Variants in CRYBG1 observed in about 807,000 individuals in gnomAD.
CRYBG1 encodes the protein crystallin beta-gamma domain containing 1.
CRYBG1 carries 139 observed loss-of-function variants against 189.2 expected under a neutral mutation model. The observed-to-expected ratio is 0.73, with a 90% CI of 0.64 to 0.85. CRYBG1 has a LOEUF of 0.85. CRYBG1 is among the 40% of genes least tolerant of loss of function. CRYBG1 has a pLI of 0.00. For synonymous variants in CRYBG1, 1,023 were observed against 1,017.1 expected (o/e 1.01, Z -0.11); for missense variants, 2,611 against 2,675.8 (o/e 0.98, Z 0.53).
chr6:106,563,744 T>C lies in CRYBG1; in HGVS notation c.6139-20T>C. On this transcript the variant is annotated intron_variant, in intron 20 of 21. Coordinates refer to ENST00000633556, the MANE Select transcript of CRYBG1 (RefSeq NM_001371242.2). ...CAGCTGGATACATATTTAAGATATC[T>C]GGTCTTTTCCACTGAGCAGATAGCA... The C allele has an allele frequency of 6.3e-7, 1 of 1,585,222 alleles. No individual in the cohort carries two copies. Among genetic ancestry groups the C allele is most frequent in the South Asian group, 1.1e-5 (1 of 90,212 alleles).
intron 2 of CRYBG1, among the ~76,000 whole-genome samples, chr6:106,501,366 G>T (rs1773007341): frequency 6.6e-6 from 1 of 152,082 alleles, no homozygotes. Context: ...CTTTATTCTA[G>T]CCATGACACA....
At position 106,539,489 on chromosome 6, in the gene CRYBG1, C is replaced by T. The variant is rs1387734124; in HGVS notation, c.4805C>T (p.Thr1602Ile). 3.1e-6 allele frequency: 5 copies of T among 1,613,628 alleles called. No individual in the cohort carries two copies. The highest frequency in any genetic ancestry group is 3.4e-6 in the Non-Finnish European group (4 of 1,179,816). ...GEYPDLSFWD[T>I]EEAYIGSMRP... The stretch of plus-strand genomic sequence containing the variant: ...TACCCTGACTTGTCCTTCTGGGATA[C>T]AGAAGAAGCGTACATTGGATCCATG... Residue 1602 changes from threonine (T) to isoleucine (I), a missense_variant, in exon 9 of 22, where the codon ACA (threonine) becomes ATA (isoleucine). Around this residue, in one of 3 missense-constraint regions of CRYBG1, gnomAD observed 1,622 missense variants for 1,735.0 expected, o/e 0.93. Coordinates refer to ENST00000633556, the MANE Select transcript of CRYBG1 (RefSeq NM_001371242.2).
At chr6:106,526,344 A>G (rs1171367631) in intron 6 of CRYBG1, among the ~76,000 whole-genome samples, 1 of 152,222 alleles carries the variant, frequency 6.6e-6, no homozygotes, top group African/African-American at 2.4e-5. Context: ...TAATTGCTAG[A>G]GAATTGGCCA....
At chr6:106,451,886 A>G in intron 2 of CRYBG1, 54 bp downstream of exon 2, 1 of 1,466,840 alleles carries the variant, frequency 6.8e-7, no homozygotes, top group African/African-American at 1.4e-5. Context: ...TTAAAGAGCT[A>G]AAGCACTGTA....
chr6:106,454,425 A>G (rs1200887590), intron 2 of CRYBG1, among the ~76,000 whole-genome samples: 1 of 152,200 alleles, frequency 6.6e-6, no homozygotes, highest in East Asian at 1.9e-4. Context: ...TGTTGACTCC[A>G]TTTAGATTCT....
At chr6:106,466,332 G>A (rs536174833) in intron 2 of CRYBG1, among the ~76,000 whole-genome samples, 1 of 152,326 alleles carries the variant, frequency 6.6e-6, no homozygotes, top group East Asian at 1.9e-4. Flanking sequence ...AGGGATTCAA[G>A]TACCCATGTG....
chr6:106,381,251 A>G (rs940164890), intron 1 of CRYBG1, among the ~76,000 whole-genome samples: 3 of 152,346 alleles, frequency 2.0e-5, no homozygotes, highest in Admixed American at 1.3e-4. Context: ...CTTTGTAGTC[A>G]TAATGTGTCT....
intron 1 of CRYBG1, among the ~76,000 whole-genome samples, chr6:106,395,795 A>G (rs1770591711): frequency 1.3e-5 from 2 of 150,404 alleles, no homozygotes; most frequent in South Asian, 2.1e-4. Context: ...TTCAGACCCC[A>G]TATACATATA....
At chr6:106,426,518 AAC>A (rs140513204) in intron 1 of CRYBG1, among the ~76,000 whole-genome samples, 1 of 152,246 alleles carries the variant, frequency 6.6e-6, no homozygotes, top group East Asian at 1.9e-4. Context: ...GCTCCTCTGA[AAC>A]AGTCTATGAG....
intron 2 of CRYBG1, among the ~76,000 whole-genome samples, chr6:106,509,648 G>C (rs916694021): frequency 1.2e-4 from 18 of 151,938 alleles, no homozygotes; most frequent in Non-Finnish European, 1.3e-4. Context: ...CTGACTCTGG[G>C]GGGTGGGTGA....
In CRYBG1 at chr6:106,520,829, T is replaced by A; in HGVS notation, c.3621T>A (p.Thr1207=). Residue 1207 remains threonine, a synonymous_variant, in exon 4 of 22, where the codon ACT becomes ACA. Coordinates refer to ENST00000633556, the MANE Select transcript of CRYBG1 (RefSeq NM_001371242.2). The part of the protein sequence containing the change: ...SVLFKSLHTN[T]NGNSEPLVMP... ...TCTTCAAGTCCCTGCACACCAACAC[T>A]AATGGGAACAGTGAGCCTCTGGTGA... 1 of 1,614,018 alleles carries A rather than the reference T, an allele frequency of 6.2e-7. No individual in the cohort carries two copies. Among genetic ancestry groups the A allele is most frequent in the Non-Finnish European group, 8.5e-7 (1 of 1,180,008 alleles).
At chr6:106,366,964 T>C (rs1183888202) in intron 1 of CRYBG1, among the ~76,000 whole-genome samples, 1 of 152,236 alleles carries the variant, frequency 6.6e-6, no homozygotes, top group East Asian at 1.9e-4. Context: ...AGTATTTGGA[T>C]GTTCATGTTG....
chr6:106,520,838 C>T lies in CRYBG1; in HGVS notation c.3630C>T (p.Asn1210=). 6.2e-7 allele frequency: 1 copy of T among 1,614,086 alleles called. No individual in the cohort carries two copies. Among genetic ancestry groups the T allele is most frequent in the Non-Finnish European group, 8.5e-7 (1 of 1,180,000 alleles). The stretch of plus-strand genomic sequence containing the variant: ...CCCTGCACACCAACACTAATGGGAA[C>T]AGTGAGCCTCTGGTGATGCCGGAAA... ...FKSLHTNTNG[N]SEPLVMPEIN... The change falls in exon 4 of 22, where the codon AAC becomes AAT. Residue 1210 remains asparagine, a synonymous_variant. Transcript: ENST00000633556.
At chr6:106,470,315 A>G (rs34041688) in intron 2 of CRYBG1, among the ~76,000 whole-genome samples, 2 of 151,742 alleles carry the variant, frequency 1.3e-5, no homozygotes, top group Non-Finnish European at 2.9e-5. Flanking sequence ...ACAAAGGGAG[A>G]CCTTGTCTCA....
chr6:106,550,955 C>A (rs76080518), intron 13 of CRYBG1, among the ~76,000 whole-genome samples: 1 of 151,806 alleles, frequency 6.6e-6, no homozygotes, highest in African/African-American at 2.4e-5. Flanking sequence ...GTCAAGATAC[C>A]CTTACGCTTA....
intron 1 of CRYBG1, among the ~76,000 whole-genome samples, chr6:106,417,167 A>T (rs1013045006): frequency 3.3e-5 from 5 of 150,810 alleles, no homozygotes; most frequent in African/African-American, 9.7e-5. Flanking sequence ...ATGCTCAGTT[A>T]TTTTTTTTTA....
At chr6:106,416,137 G>A (rs532903063) in intron 1 of CRYBG1, among the ~76,000 whole-genome samples, 1 of 152,222 alleles carries the variant, frequency 6.6e-6, no homozygotes, top group South Asian at 2.1e-4. Flanking sequence ...CTCCTGGCAG[G>A]AAGCCAGCAC....
chr6:106,410,071 TCAGAGTGAA>T (rs773937992), intron 1 of CRYBG1, among the ~76,000 whole-genome samples: 7 of 152,090 alleles, frequency 4.6e-5, no homozygotes, highest in Non-Finnish European at 1.0e-4. Flanking sequence ...GATACTACCA[TCAGAGTGAA>T]CAGGCAACCT....
chr6:106,442,606 T>A (rs1250024483), intron 1 of CRYBG1, among the ~76,000 whole-genome samples: 2 of 152,128 alleles, frequency 1.3e-5, no homozygotes, highest in African/African-American at 4.8e-5. Flanking sequence ...TTTGAAACAG[T>A]CATAAACAGC....
Sources: gnomAD v4.1 joint callset for allele counts (sites outside exome capture counted in the v4.1 genomes callset) on GRCh38, gnomAD v4.1.1 for gene constraint, gnomAD v4.1.1 regional missense constraint, MANE v1.5 for transcripts, NCBI Gene and HGNC (gene_info 2026-07-23, HGNC 2026-07-21) for gene names.